Variants in RBFOX1 observed in about 807,000 individuals in gnomAD.
RBFOX1 encodes the protein RNA binding protein fox-1 homolog 1.
Under a neutral mutation model 57.7 loss-of-function variants are expected in RBFOX1, and 8 were observed. The ratio of observed to expected loss-of-function variants is 0.14; its 90% CI spans 0.08 to 0.25. RBFOX1 has a LOEUF of 0.25. Ranked by LOEUF, RBFOX1 falls within the 10% of genes least tolerant of loss-of-function variation. The pLI is 1.00. For missense variants in RBFOX1, 611 were observed against 548.5 expected (o/e 1.11, Z -1.14); for synonymous variants, 326 against 222.4 (o/e 1.47, Z -4.15).
At chr16:6,666,748 G>C (rs768565746) in intron 3 of RBFOX1, among the ~76,000 whole-genome samples, 3 of 152,074 alleles carry the variant, frequency 2.0e-5, no homozygotes, top group Admixed American at 6.6e-5. Context: ...GGTGACTTAC[G>C]AGAGTTATTG....
At chr16:6,425,958 C>T (rs922975790) in intron 2 of RBFOX1, among the ~76,000 whole-genome samples, 1 of 152,134 alleles carries the variant, frequency 6.6e-6, no homozygotes, top group African/African-American at 2.4e-5. Flanking sequence ...CCATTTACCC[C>T]TCCCCCAGCC....
At chr16:6,849,141 G>C (rs1196440441) in intron 3 of RBFOX1, among the ~76,000 whole-genome samples, 1 of 152,174 alleles carries the variant, frequency 6.6e-6, no homozygotes, top group Non-Finnish European at 1.5e-5. Flanking sequence ...TCCCCAGAGA[G>C]TGAAACAAAG....
intron 1 of RBFOX1, among the ~76,000 whole-genome samples, chr16:6,263,309 C>A (rs997481836): frequency 1.3e-5 from 2 of 152,118 alleles, no homozygotes; most frequent in African/African-American, 4.8e-5. Context: ...TGAATTTGAG[C>A]ATTGAGAATT....
chr16:6,007,256 TAAG>T (rs944629209), intron 4 of RBFOX1, among the ~76,000 whole-genome samples: 4 of 152,192 alleles, frequency 2.6e-5, no homozygotes, highest in African/African-American at 9.7e-5. Context: ...GACTGAGTCA[TAAG>T]AAGAAGTCAG....
chr16:6,804,773 G>C (rs563595711), intron 3 of RBFOX1, among the ~76,000 whole-genome samples: 1 of 152,134 alleles, frequency 6.6e-6, no homozygotes, highest in Admixed American at 6.5e-5. Flanking sequence ...ATTGGGGGCC[G>C]TTCCCTACTC....
intron 3 of RBFOX1, among the ~76,000 whole-genome samples, chr16:6,724,712 A>G: frequency 6.6e-6 from 1 of 152,142 alleles, no homozygotes; most frequent in Non-Finnish European, 1.5e-5. Flanking sequence ...ATTAGACCAT[A>G]TAGGGTAACT....
rs186549467 is a variant in RBFOX1, at chr16:7,282,600, A to G, written c.27+230502A>G. On this transcript the variant is annotated intron_variant, in intron 4 of 15. Coordinates refer to ENST00000550418, the MANE Select transcript of RBFOX1 (RefSeq NM_018723.4). ...TATCGTTCTTTTAAAAAATTTTTCC[A>G]TAGGTTATTGGGGGAACAGGTGGTG... Among the ~76,000 whole-genome samples, 5 of 150,854 alleles carry G rather than the reference A, an allele frequency of 3.3e-5. No individual in the cohort carries two copies. The East Asian group carries it at 7.8e-4, about 24-fold the overall frequency.
intron 1 of RBFOX1, among the ~76,000 whole-genome samples, chr16:6,223,362 G>C (rs7190223): frequency 0.92 from 131,876 of 143,374 alleles, 61,161 homozygotes; most frequent in Non-Finnish European, 0.98. Context: ...TCCAGCACCT[G>C]TTGTTTCCCG....
intron 1 of RBFOX1, among the ~76,000 whole-genome samples, chr16:6,279,424 C>A (rs765126563): frequency 2.6e-5 from 4 of 152,196 alleles, no homozygotes; most frequent in African/African-American, 9.6e-5. Flanking sequence ...AAGTCTTTGA[C>A]AATCTGTAAA....
intron 3 of RBFOX1, among the ~76,000 whole-genome samples, chr16:7,048,805 T>C (rs184926843): frequency 1.9e-4 from 29 of 152,312 alleles, no homozygotes; most frequent in Admixed American, 1.6e-3. Flanking sequence ...CTGGGTATAT[T>C]GAATATTGTG....
At chr16:6,191,454 C>A (rs1209782039) in intron 1 of RBFOX1, among the ~76,000 whole-genome samples, 1 of 152,078 alleles carries the variant, frequency 6.6e-6, no homozygotes, top group African/African-American at 2.4e-5. Context: ...TACTGTGCAA[C>A]AGGAAGTGAT....
At chr16:6,906,632 A>G (rs2070037204) in intron 3 of RBFOX1, among the ~76,000 whole-genome samples, 1 of 152,146 alleles carries the variant, frequency 6.6e-6, no homozygotes. Context: ...CCTTGAGGAC[A>G]GGAACAGCGT....
At chr16:7,427,907 G>C (rs921744276) in intron 4 of RBFOX1, among the ~76,000 whole-genome samples, 2 of 152,104 alleles carry the variant, frequency 1.3e-5, no homozygotes. Context: ...GCCTGCCTTG[G>C]CCTCCTAAAG....
At chr16:7,459,714 G>C (rs902775535) in intron 4 of RBFOX1, among the ~76,000 whole-genome samples, 1 of 152,058 alleles carries the variant, frequency 6.6e-6, no homozygotes, top group Non-Finnish European at 1.5e-5. Flanking sequence ...GCTTGCACCT[G>C]GAAATAGCAC....
intron 2 of RBFOX1, among the ~76,000 whole-genome samples, chr16:6,629,712 G>C (rs1041144809): frequency 1.2e-4 from 19 of 152,084 alleles, no homozygotes; most frequent in African/African-American, 4.6e-4. Flanking sequence ...TTGACATATA[G>C]GTGGATCACA....
chr16:6,639,615 G>A lies in RBFOX1; in HGVS notation c.-63-14988G>A, dbSNP rs192961691. Among the ~76,000 whole-genome samples, 230 of 152,184 alleles carry A rather than the reference G, an allele frequency of 1.5e-3. 2 individuals carry two copies. In the Middle Eastern group the frequency reaches 0.017, roughly 11 times the overall value. The stretch of plus-strand genomic sequence containing the variant: ...TTGTGGGCCGGGCACGGTGGCTCAC[G>A]CCTGTAATCCCAGCACTTTGGGAGG... On this transcript the variant is annotated intron_variant, in intron 2 of 15. Coordinates refer to ENST00000550418, the MANE Select transcript of RBFOX1 (RefSeq NM_018723.4).
chr16:7,225,729 T>A (rs2093054923), intron 4 of RBFOX1, among the ~76,000 whole-genome samples: 1 of 118,886 alleles, frequency 8.4e-6, no homozygotes, highest in Non-Finnish European at 1.6e-5. Flanking sequence ...ATATTGTACT[T>A]TAAAAATGTG....
chr16:6,093,361 A>T (rs1223670371), intron 1 of RBFOX1, among the ~76,000 whole-genome samples: 1 of 152,172 alleles, frequency 6.6e-6, no homozygotes, highest in East Asian at 1.9e-4. Context: ...ATCTGTTGAG[A>T]CCAAGAATTC....
At chr16:6,736,474 A>C (rs1010875499) in intron 3 of RBFOX1, among the ~76,000 whole-genome samples, 4 of 152,200 alleles carry the variant, frequency 2.6e-5, no homozygotes, top group Non-Finnish European at 4.4e-5. Context: ...ATGTCATTGC[A>C]AATGCTGTTA....
Sources: gnomAD v4.1 joint callset for allele counts (sites outside exome capture counted in the v4.1 genomes callset) on GRCh38, gnomAD v4.1.1 for gene constraint, MANE v1.5 for transcripts, NCBI Gene and HGNC (gene_info 2026-07-23, HGNC 2026-07-21) for gene names.